GREB1L: variants seen among roughly 807,000 people sequenced by gnomAD.
GREB1L encodes GREB1-like protein.
GREB1L carries 17 observed loss-of-function variants against 200.8 expected under a neutral mutation model. The observed-to-expected ratio is 0.08, with a 90% CI of 0.06 to 0.13. The LOEUF is 0.13. Ranked by LOEUF, GREB1L falls within the 10% of genes least tolerant of loss-of-function variation. The pLI, the probability that GREB1L is intolerant of heterozygous loss-of-function variation, is 1.00. For synonymous variants in GREB1L, 789 were observed against 893.0 expected, an observed-to-expected ratio of 0.88 and a Z score of 2.08; for missense variants, 1,657 against 2,367.7, an observed-to-expected ratio of 0.70 and a Z score of 6.23.
At chr18:21,460,140 C>CTTGTT (rs764481692) in intron 15 of GREB1L, among the ~76,000 whole-genome samples, 13 of 152,082 alleles carry the variant, frequency 8.5e-5, no homozygotes, top group African/African-American at 2.4e-4. Flanking sequence ...GTACTAAATT[C>CTTGTT]TTGTTTTGTT....
At position 21,447,840 on chromosome 18, in the gene GREB1L, GCATCC is replaced by G. The variant is rs570797001; in HGVS notation, c.1394-1668_1394-1664del. ...CTCCTAGGTGATTTTTTTTTAAAGA[GCATCC>G]CTCCACATTCCCAGCAAGTTTTTTG... On this transcript the variant is annotated intron_variant, in intron 11 of 32. Coordinates refer to ENST00000424526, the MANE Select transcript of GREB1L (RefSeq NM_001142966.3). Among the ~76,000 whole-genome samples the G allele has an allele frequency of 3.3e-5, 5 of 152,034 alleles. No homozygotes were observed. In the South Asian group the frequency reaches 1.0e-3, roughly 32 times the overall value.
chr18:21,385,284 G>A (rs1357407267), intron 4 of GREB1L, among the ~76,000 whole-genome samples: 1 of 151,948 alleles, frequency 6.6e-6, no homozygotes, highest in East Asian at 1.9e-4. Flanking sequence ...CTCTTACAAA[G>A]CTTAAAGTGC....
chr18:21,302,791 G>A (rs573524824), intron 1 of GREB1L, among the ~76,000 whole-genome samples: 4 of 152,070 alleles, frequency 2.6e-5, no homozygotes, highest in Admixed American at 6.6e-5. Flanking sequence ...GCGTGATCTC[G>A]GCTCACTGCA....
At chr18:21,395,624 A>T in intron 5 of GREB1L, 63 bp downstream of exon 5, 1 of 1,210,318 alleles carries the variant, frequency 8.3e-7, no homozygotes, top group Non-Finnish European at 1.1e-6. Flanking sequence ...ACATTTATTT[A>T]AAACTACTGC....
intron 18 of GREB1L, among the ~76,000 whole-genome samples, chr18:21,489,269 T>C (rs1015155156): frequency 1.3e-5 from 2 of 152,150 alleles, no homozygotes. Context: ...CAGATTTGCT[T>C]GGCTCCCTTG....
At chr18:21,463,744 A>AT (rs929323191) in intron 15 of GREB1L, among the ~76,000 whole-genome samples, 19 of 151,764 alleles carry the variant, frequency 1.3e-4, no homozygotes, top group African/African-American at 4.6e-4. Context: ...CACTTGGCTA[A>AT]TTTTTTTTAG....
chr18:21,478,299 T>C (rs1455669656), intron 17 of GREB1L, among the ~76,000 whole-genome samples: 1 of 152,144 alleles, frequency 6.6e-6, no homozygotes, highest in Non-Finnish European at 1.5e-5. Flanking sequence ...ATCTCTAATA[T>C]TGAAAAATAT....
At chr18:21,424,611 T>A (rs769113065) in intron 7 of GREB1L, among the ~76,000 whole-genome samples, 1 of 152,182 alleles carries the variant, frequency 6.6e-6, no homozygotes, top group East Asian at 1.9e-4. Context: ...CAAAATAAAA[T>A]AAACTGACAA....
At chr18:21,256,098 G>A (rs1292411008) in intron 1 of GREB1L, among the ~76,000 whole-genome samples, 2 of 152,024 alleles carry the variant, frequency 1.3e-5, no homozygotes, top group Admixed American at 1.3e-4. Context: ...TAATAAATTA[G>A]CATCATTTTA....
intron 32 of GREB1L, among the ~76,000 whole-genome samples, chr18:21,522,036 C>CCCA (rs1033439822): frequency 2.1e-5 from 3 of 141,118 alleles, no homozygotes; most frequent in African/African-American, 8.2e-5. Flanking sequence ...CAGAATAGCC[C>CCCA]CCACAACAAA....
chr18:21,514,067 T>A, intron 28 of GREB1L, 81 bp downstream of exon 28: 5 of 1,334,502 alleles, frequency 3.7e-6, no homozygotes, highest in South Asian at 1.5e-5. Flanking sequence ...CATACGGAAG[T>A]AAGAAAGAGA....
chr18:21,242,830 C>T (rs983916522), intron 1 of GREB1L, among the ~76,000 whole-genome samples: 4 of 152,078 alleles, frequency 2.6e-5, no homozygotes, highest in Admixed American at 2.0e-4. Flanking sequence ...TTCGTCTCCC[C>T]GAGCCCAGGG....
At chr18:21,449,451 G>A (rs1375846980) in intron 11 of GREB1L, 59 bp from the exon 12 acceptor site, 1 of 990,400 alleles carries the variant, frequency 1.0e-6, no homozygotes, top group South Asian at 1.7e-5. Context: ...GCATATGGGT[G>A]TGTGTGTCTC....
At position 21,477,268 on chromosome 18, in the gene GREB1L, A is replaced by T; in HGVS notation, c.2468A>T (p.Gln823Leu). The stretch of plus-strand genomic sequence containing the variant: ...GAAGCTTTCAACCTCCTGGTGCTCC[A>T]GGTCAGCTCCTTCCCATACACTCTG... ...VLEAFNLLVL[Q>L]VSSFPYTLQT... The change falls in exon 17 of 33, where the codon CAG (glutamine) becomes CTG (leucine). Residue 823 changes from glutamine (Q) to leucine (L), a missense_variant. By Grantham distance (113) the Gln-to-Leu change is moderately radical. Coordinates refer to ENST00000424526, the MANE Select transcript of GREB1L (RefSeq NM_001142966.3). 6.4e-7 allele frequency: 1 copy of T among 1,551,800 alleles called. No individual in the cohort carries two copies. Among genetic ancestry groups the T allele is most frequent in the Middle Eastern group, 1.7e-4 (1 of 5,992 alleles).
chr18:21,495,824 C>A, intron 20 of GREB1L, 39 bp downstream of exon 20: 1 of 1,101,512 alleles, frequency 9.1e-7, no homozygotes, highest in Non-Finnish European at 1.3e-6. Context: ...TCATCAGTTG[C>A]CCAGCTGAAC....
intron 26 of GREB1L, 24 bp from the exon 27 acceptor site, chr18:21,508,363 G>A (rs772794697): frequency 8.4e-6 from 13 of 1,550,694 alleles, no homozygotes; most frequent in Non-Finnish European, 1.1e-5. Flanking sequence ...TCCCTTTATG[G>A]TCTGTTTTTT....
intron 2 of GREB1L, among the ~76,000 whole-genome samples, 159 bp from the exon 3 acceptor site, chr18:21,383,351 A>G (rs1443074471): frequency 2.0e-5 from 3 of 152,202 alleles, no homozygotes; most frequent in African/African-American, 7.2e-5. Context: ...ATAACAAGTA[A>G]CTTACACAAG....
At chr18:21,384,772 C>T (rs1167755938) in intron 4 of GREB1L, among the ~76,000 whole-genome samples, 1 of 150,206 alleles carries the variant, frequency 6.7e-6, no homozygotes, top group Non-Finnish European at 1.5e-5. Context: ...CCTCTTCGTA[C>T]TTCTTTCTAT....
chr18:21,278,408 AT>A (rs2038212820), intron 1 of GREB1L, among the ~76,000 whole-genome samples: 1 of 149,680 alleles, frequency 6.7e-6, no homozygotes, highest in African/African-American at 2.4e-5. Flanking sequence ...AAATAAATAA[AT>A]AAATAAATAA....
Sources: allele counts gnomAD v4.1 joint callset (sites outside exome capture counted in the v4.1 genomes callset), GRCh38; gene constraint gnomAD v4.1.1; transcripts MANE v1.5; gene names NCBI Gene and HGNC (gene_info 2026-07-23, HGNC 2026-07-21).